IL1RAPL1: variants seen among roughly 807,000 people sequenced by gnomAD.
IL1RAPL1 encodes interleukin-1 receptor accessory protein-like 1.
Under a neutral mutation model 48.4 loss-of-function variants are expected in IL1RAPL1, and 3 were observed. The observed-to-expected ratio is 0.06, with a 90% confidence interval of 0.03 to 0.16. The LOEUF (loss-of-function observed/expected upper bound fraction) is 0.16. Ranked by LOEUF, IL1RAPL1 falls within the 10% of genes least tolerant of loss-of-function variation. The pLI is 1.00. For missense variants in IL1RAPL1, 349 were observed against 530.6 expected (o/e 0.66, Z 3.36); for synonymous variants, 185 against 187.7 (o/e 0.99, Z 0.12).
chrX:29,029,391 G>A (rs2147407962), intron 2 of IL1RAPL1, among the ~76,000 whole-genome samples: 1 of 111,471 alleles, frequency 9.0e-6, no homozygotes, highest in East Asian at 2.8e-4. Context: ...TCTCTTCACA[G>A]TGCTGCCTGG....
intron 3 of IL1RAPL1, among the ~76,000 whole-genome samples, chrX:29,311,497 C>A: frequency 1.8e-5 from 2 of 112,043 alleles, no homozygotes; most frequent in Middle Eastern, 4.7e-3. Flanking sequence ...CCCAGTAGAT[C>A]TCTGTGCTTG....
At chrX:28,772,734 T>C (rs1325641703) in intron 1 of IL1RAPL1, among the ~76,000 whole-genome samples, 1 of 112,084 alleles carries the variant, frequency 8.9e-6, no homozygotes, top group Non-Finnish European at 1.9e-5. Context: ...GACGTTATAT[T>C]GGCAGGTCTA....
intron 2 of IL1RAPL1, among the ~76,000 whole-genome samples, chrX:28,811,994 A>G (rs1438743585): frequency 9.0e-6 from 1 of 110,940 alleles, no homozygotes; most frequent in Non-Finnish European, 1.9e-5. Context: ...GTTGTTTAGG[A>G]GAATTATACA....
chrX:29,643,513 A>G (rs970548007), intron 5 of IL1RAPL1, among the ~76,000 whole-genome samples: 1 of 112,092 alleles, frequency 8.9e-6, no homozygotes, highest in Non-Finnish European at 1.9e-5. Flanking sequence ...TTTACAACCT[A>G]ACGTCGATTT....
intron 2 of IL1RAPL1, among the ~76,000 whole-genome samples, chrX:28,935,588 T>C (rs1923996801): frequency 9.0e-6 from 1 of 111,460 alleles, no homozygotes; most frequent in Admixed American, 9.6e-5. Context: ...CTGAGGGTTA[T>C]GTCTTGCAAA....
At chrX:29,646,781 T>G (rs1490901084) in intron 5 of IL1RAPL1, among the ~76,000 whole-genome samples, 3 of 110,337 alleles carry the variant, frequency 2.7e-5, no homozygotes, top group African/African-American at 9.9e-5. Flanking sequence ...AGCAGAAACC[T>G]TACAGACCAG....
At position 28,895,065 on chromosome X, in the gene IL1RAPL1, A is replaced by G. The variant is rs867047427; in HGVS notation, c.82+105640A>G. On this transcript the variant is annotated intron_variant, in intron 2 of 10. Transcript: ENST00000378993. The stretch of plus-strand genomic sequence containing the variant: ...CAAGTGCAAGTGAAGAGAGGCTGGG[A>G]TGAAGGGTGCAAAGGAATAGTAAAG... Among the ~76,000 whole-genome samples, 531 of 110,227 alleles carry G rather than the reference A, an allele frequency of 4.8e-3. 3 individuals carry two copies. The highest frequency in any genetic ancestry group is 0.017 in the African/African-American group (511 of 30,269).
chrX:29,621,712 A>T (rs531235300), intron 5 of IL1RAPL1, among the ~76,000 whole-genome samples: 1 of 112,033 alleles, frequency 8.9e-6, no homozygotes, highest in East Asian at 2.8e-4. Context: ...ATTTGTAAAG[A>T]TAAAATTAGC....
At chrX:29,235,053 A>G (rs1931265864) in intron 2 of IL1RAPL1, among the ~76,000 whole-genome samples, 1 of 111,876 alleles carries the variant, frequency 8.9e-6, no homozygotes, top group South Asian at 3.8e-4. Context: ...ACTTCTACGC[A>G]TCCCCTGCTA....
At chrX:29,412,952 C>A (rs192247427) in intron 5 of IL1RAPL1, among the ~76,000 whole-genome samples, 1 of 112,103 alleles carries the variant, frequency 8.9e-6, no homozygotes, top group East Asian at 2.8e-4. Flanking sequence ...ATTTTTGAAT[C>A]TTTACCTTGG....
intron 2 of IL1RAPL1, among the ~76,000 whole-genome samples, chrX:29,007,538 T>C (rs147473411): frequency 0.019 from 2,083 of 111,916 alleles, 44 homozygotes; most frequent in African/African-American, 0.065. Flanking sequence ...TAAAGCTGGA[T>C]AACATTGATA....
chrX:28,815,839 GTATATA>G (rs61436993), intron 2 of IL1RAPL1, among the ~76,000 whole-genome samples: 3,413 of 29,049 alleles, frequency 0.12, 170 homozygotes, highest in African/African-American at 0.18. Context: ...GTGTGTTTAT[GTATATA>G]TATATATATA....
chrX:29,545,430 A>T (rs1162191092), intron 5 of IL1RAPL1, among the ~76,000 whole-genome samples: 3 of 111,474 alleles, frequency 2.7e-5, no homozygotes, highest in Admixed American at 9.6e-5. Flanking sequence ...GTGCACATCC[A>T]TGCATCCACT....
intron 6 of IL1RAPL1, among the ~76,000 whole-genome samples, chrX:29,720,689 A>G (rs1000602202): frequency 1.3e-4 from 14 of 111,238 alleles, no homozygotes; most frequent in African/African-American, 4.3e-4. Flanking sequence ...CTACCATGGC[A>G]CATGTATACC....
chrX:28,717,769 C>G (rs56401404), intron 1 of IL1RAPL1, among the ~76,000 whole-genome samples: 3,153 of 110,917 alleles, frequency 0.028, 101 homozygotes, highest in African/African-American at 0.098. Context: ...AAAGAAGAAA[C>G]TGGTACTTTG....
chrX:29,770,465 T>TA (rs35344406), intron 6 of IL1RAPL1, among the ~76,000 whole-genome samples: 23,062 of 111,669 alleles, frequency 0.21, 1,745 homozygotes, highest in Middle Eastern at 0.33. Context: ...TAAACCTGTA[T>TA]AGTAGATAAC....
At chrX:28,906,780 C>T (rs906638350) in intron 2 of IL1RAPL1, among the ~76,000 whole-genome samples, 1 of 110,489 alleles carries the variant, frequency 9.1e-6, no homozygotes, top group East Asian at 2.8e-4. Flanking sequence ...TATTATGTAT[C>T]AGAAGACAAA....
At position 28,940,571 on chromosome X, in the gene IL1RAPL1, C is replaced by T. The variant is rs191344714; in HGVS notation, c.82+151146C>T. On this transcript the variant is annotated intron_variant, in intron 2 of 10. Coordinates refer to ENST00000378993, the MANE Select transcript of IL1RAPL1 (RefSeq NM_014271.4). ...TTTTCTTTCTAGAAGTTTTAGAAGA[C>T]GTCATTATGTGTCATTCTAGACAAA... 3.4e-3 allele frequency among the ~76,000 whole-genome samples: 381 copies of T among 110,540 alleles called. 3 individuals are homozygous for T. The highest frequency in any genetic ancestry group is 0.012 in the African/African-American group (359 of 30,627).
At position 28,701,244 on chromosome X, in the gene IL1RAPL1, A is replaced by T. The variant is rs185957503; in HGVS notation, c.-24-88076A>T. Among the ~76,000 whole-genome samples, 15 of 111,687 alleles carry T rather than the reference A, an allele frequency of 1.3e-4. No homozygotes were observed. In the Admixed American group the frequency reaches 1.4e-3, roughly 11 times the overall value. ...GTACGGTTAGTTTAAAGGTGAAGTG[A>T]TTTTGCCCCATTTGGACCTTATTTC... is the stretch of plus-strand genomic sequence containing the variant. On this transcript the variant is annotated intron_variant, in intron 1 of 10. Transcript: ENST00000378993.
Sources: allele counts gnomAD v4.1 joint callset (sites outside exome capture counted in the v4.1 genomes callset), GRCh38; gene constraint gnomAD v4.1.1; transcripts MANE v1.5; gene names NCBI Gene and HGNC (gene_info 2026-07-23, HGNC 2026-07-21).